Variants in TANC2 observed in about 807,000 individuals in gnomAD.
TANC2 encodes the protein protein TANC2.
Under a neutral mutation model 210.5 loss-of-function variants are expected in TANC2, and 26 were observed. The ratio of observed to expected loss-of-function variants is 0.12; its 90% CI spans 0.09 to 0.17. The LOEUF is 0.17. Ranked by LOEUF, TANC2 falls within the 10% of genes least tolerant of loss-of-function variation. The probability of loss-of-function intolerance (pLI) is 1.00; values close to 1 mark genes in which losing one functional copy is unlikely to be tolerated. For synonymous variants in TANC2, 931 were observed against 967.1 expected (o/e 0.96, Z 0.69); for missense variants, 2,129 against 2,608.9 (o/e 0.82, Z 4.01).
intron 17 of TANC2, 49 bp downstream of exon 17, chr17:63,389,593 C>G: frequency 6.7e-7 from 1 of 1,490,422 alleles, no homozygotes. Flanking sequence ...TCTTTATTTT[C>G]GATGCATACT....
intron 14 of TANC2, among the ~76,000 whole-genome samples, chr17:63,358,976 T>TTG (rs34338483): frequency 0.091 from 13,465 of 147,808 alleles, 665 homozygotes; most frequent in Non-Finnish European, 0.11. Flanking sequence ...AGATTAATAT[T>TTG]TGTGTGTGTG....
At chr17:62,994,919 G>A (rs1345695463) in intron 1 of TANC2, among the ~76,000 whole-genome samples, 2 of 152,084 alleles carry the variant, frequency 1.3e-5, no homozygotes, top group Non-Finnish European at 1.5e-5. Flanking sequence ...GAAAATTCTT[G>A]TATTGTTTAC....
intron 9 of TANC2, among the ~76,000 whole-genome samples, chr17:63,308,699 C>T (rs1211060435): frequency 6.6e-6 from 1 of 152,014 alleles, no homozygotes; most frequent in Non-Finnish European, 1.5e-5. Flanking sequence ...GACATATATG[C>T]TTGTGTGTTT....
At chr17:63,301,871 G>C (rs1270435813) in intron 9 of TANC2, among the ~76,000 whole-genome samples, 4 of 152,086 alleles carry the variant, frequency 2.6e-5, no homozygotes, top group Non-Finnish European at 2.9e-5. Flanking sequence ...TGTGATGTTA[G>C]GGTGTCAATT....
At chr17:62,996,003 G>A (rs540573660) in intron 1 of TANC2, among the ~76,000 whole-genome samples, 2 of 152,310 alleles carry the variant, frequency 1.3e-5, no homozygotes, top group Admixed American at 6.5e-5. Context: ...CTTAAAGAAG[G>A]CCTTTCTTGA....
chr17:63,418,380 C>T lies in TANC2; in HGVS notation c.4241C>T (p.Ala1414Val). Residue 1414 changes from alanine (A) to valine (V), a missense_variant, in exon 27 of 28, where the codon GCG becomes GTG. Around this residue, in one of 5 missense-constraint regions of TANC2, gnomAD observed 644 missense variants for 937.5 expected, o/e 0.69. Transcript: ENST00000689528. This position sits in a 1 kb window ranked among gnomAD's most constrained non-coding sequence, Gnocchi z 4.6. ...CCGAAATCTTATGAAGCTTACTATG[C>T]GAGAGCAAGGGCAAAACGCAGCAGC... The T allele has an allele frequency of 6.2e-7, 1 of 1,612,450 alleles. No individual in the cohort carries two copies. Among genetic ancestry groups the T allele is most frequent in the Non-Finnish European group, 8.5e-7 (1 of 1,179,294 alleles).
chr17:63,104,561 A>G (rs1447826280), intron 4 of TANC2, among the ~76,000 whole-genome samples: 3 of 152,234 alleles, frequency 2.0e-5, no homozygotes, highest in African/African-American at 7.2e-5. Flanking sequence ...TCAGATTTGA[A>G]AATGTGTATG....
At chr17:63,358,103 C>G (rs2046830361) in intron 14 of TANC2, among the ~76,000 whole-genome samples, 1 of 152,156 alleles carries the variant, frequency 6.6e-6, no homozygotes, top group African/African-American at 2.4e-5. Flanking sequence ...AATAGGCTAC[C>G]CAAGGAGGTT....
intron 2 of TANC2, among the ~76,000 whole-genome samples, chr17:63,065,206 T>G (rs1156550362): frequency 6.6e-6 from 1 of 152,254 alleles, no homozygotes; most frequent in Admixed American, 6.5e-5. Flanking sequence ...TCACCCATGT[T>G]GTTGCAAATG....
intron 7 of TANC2, 61 bp downstream of exon 7, chr17:63,201,018 C>T (rs2041515067): frequency 2.1e-6 from 3 of 1,458,856 alleles, no homozygotes; most frequent in South Asian, 1.3e-5. Context: ...AATAATTACA[C>T]AAGCTTAAGG....
chr17:63,426,883 A>T (rs965366588), exon 28 of TANC2: 1 of 152,144 alleles, frequency 6.6e-6, no homozygotes, highest in Non-Finnish European at 1.5e-5. Flanking sequence ...AGGGGGCTCA[A>T]CTCAATCCCT....
At chr17:62,989,721 T>C (rs1301212685) in intron 1 of TANC2, among the ~76,000 whole-genome samples, 1 of 151,552 alleles carries the variant, frequency 6.6e-6, no homozygotes, top group East Asian at 1.9e-4. Flanking sequence ...TCCAGCTATC[T>C]AGAGAAAAGC....
At chr17:63,250,050 T>C (rs2043015115) in intron 8 of TANC2, among the ~76,000 whole-genome samples, 1 of 150,154 alleles carries the variant, frequency 6.7e-6, no homozygotes, top group African/African-American at 2.5e-5. Flanking sequence ...TGAGTTGTCC[T>C]CAGCTGTTAC....
chr17:63,090,237 A>G (rs1242785285), intron 3 of TANC2, among the ~76,000 whole-genome samples: 1 of 144,608 alleles, frequency 6.9e-6, no homozygotes, highest in East Asian at 2.0e-4. Flanking sequence ...TTGTACTTTA[A>G]GTTCTAGGGT....
chr17:63,250,366 G>A (rs902191476), intron 8 of TANC2, among the ~76,000 whole-genome samples: 3 of 151,862 alleles, frequency 2.0e-5, no homozygotes, highest in African/African-American at 7.3e-5. Context: ...TCGATCCCTG[G>A]GCTCAAGCAA....
chr17:63,224,792 T>A (rs2042287014), intron 7 of TANC2, among the ~76,000 whole-genome samples: 1 of 151,766 alleles, frequency 6.6e-6, no homozygotes, highest in Non-Finnish European at 1.5e-5. Flanking sequence ...TGGAGAGAGG[T>A]CATGGTATTA....
chr17:63,221,295 G>A (rs532055218), intron 7 of TANC2, among the ~76,000 whole-genome samples: 14 of 151,322 alleles, frequency 9.3e-5, no homozygotes, highest in Admixed American at 2.6e-4. Flanking sequence ...TTAGCCAGGC[G>A]TGGTGGTGGT....
intron 21 of TANC2, 73 bp from the exon 22 acceptor site, chr17:63,411,438 C>A: frequency 7.0e-7 from 1 of 1,431,244 alleles, no homozygotes; most frequent in Non-Finnish European, 9.5e-7. Context: ...GGAGCATGCC[C>A]CTTCAGCGTA....
chr17:63,040,767 T>C (rs1409208662), intron 2 of TANC2, among the ~76,000 whole-genome samples: 1 of 152,202 alleles, frequency 6.6e-6, no homozygotes, highest in Admixed American at 6.5e-5. Flanking sequence ...ATTACAAGTG[T>C]AATGCAAGTA....
Sources: gnomAD v4.1 joint callset for allele counts (sites outside exome capture counted in the v4.1 genomes callset) on GRCh38, gnomAD v4.1.1 for gene constraint, gnomAD v4.1.1 regional missense constraint, Gnocchi (gnomAD v3.1) non-coding constraint, MANE v1.5 for transcripts, NCBI Gene and HGNC (gene_info 2026-07-23, HGNC 2026-07-21) for gene names.